Variants in CNTN4 observed in about 807,000 individuals in gnomAD.
CNTN4 encodes contactin-4.
CNTN4 carries 77 observed loss-of-function variants against 122.5 expected under a neutral mutation model. The ratio of observed to expected loss-of-function variants is 0.63; its 90% CI spans 0.52 to 0.76. CNTN4 has a LOEUF of 0.76. Ranked by LOEUF, CNTN4 falls within the 30% of genes least tolerant of loss-of-function variation. The pLI, the probability that CNTN4 is intolerant of heterozygous loss-of-function variation, is 0.00. For synonymous variants in CNTN4, 512 were observed against 447.0 expected, an observed-to-expected ratio of 1.15 and a Z score of -1.83; for missense variants, 1,256 against 1,259.1, an observed-to-expected ratio of 1.00 and a Z score of 0.04.
Position 2,407,916 on chromosome 3 carries a change from G to GT in CNTN4, c.-89+68684dup, listed in dbSNP as rs1288007823. ...GGCAGCCATACTCCTAATAATACAC[G>GT]TATGTACATATCTGTGTGTGTCTAT... is the stretch of plus-strand genomic sequence containing the variant. On this transcript the variant is annotated intron_variant, in intron 3 of 24. Coordinates refer to ENST00000418658, the MANE Select transcript of CNTN4 (RefSeq NM_175607.3). Among the ~76,000 whole-genome samples, 5 of 152,226 alleles carry GT rather than the reference G, an allele frequency of 3.3e-5. No homozygotes were observed. In the East Asian group the frequency reaches 5.8e-4, roughly 18 times the overall value.
intron 3 of CNTN4, among the ~76,000 whole-genome samples, chr3:2,364,837 A>C (rs1347039652): frequency 6.6e-6 from 1 of 152,210 alleles, no homozygotes; most frequent in African/African-American, 2.4e-5. Context: ...GGCCATTGCC[A>C]TGACAATATC....
intron 7 of CNTN4, among the ~76,000 whole-genome samples, chr3:2,849,986 C>CTTTTTTTTTTTTTTTTTTTTTTTTTTT (rs746657018): frequency 1.4e-5 from 2 of 140,698 alleles, no homozygotes; most frequent in African/African-American, 2.6e-5. Flanking sequence ...TTAGCAATCA[C>CTTTTTTTTTTTTTTTTTTTTTTTTTTT]TTTTTTTTCT....
At chr3:2,920,518 G>GA (rs1256871474) in intron 12 of CNTN4, among the ~76,000 whole-genome samples, 1 of 151,814 alleles carries the variant, frequency 6.6e-6, no homozygotes, top group African/African-American at 2.4e-5. Context: ...GGATGCACAG[G>GA]ACCTTTCTGT....
chr3:2,216,153 A>G (rs1345387124), intron 2 of CNTN4, among the ~76,000 whole-genome samples: 2 of 152,196 alleles, frequency 1.3e-5, no homozygotes, highest in Non-Finnish European at 2.9e-5. Flanking sequence ...CATCAATGAT[A>G]GATTGGATAA....
intron 3 of CNTN4, among the ~76,000 whole-genome samples, chr3:2,551,686 T>TA (rs961455908): frequency 5.9e-5 from 9 of 151,894 alleles, no homozygotes; most frequent in South Asian, 4.1e-4. Context: ...TGCAGAAAAG[T>TA]AAAAAAAATA....
At chr3:2,356,034 G>C (rs145576708) in intron 3 of CNTN4, among the ~76,000 whole-genome samples, 584 of 152,170 alleles carry the variant, frequency 3.8e-3, no homozygotes, top group Middle Eastern at 0.01. Context: ...AGTGTTTCCT[G>C]ACTGCTAATC....
intron 3 of CNTN4, among the ~76,000 whole-genome samples, chr3:2,345,021 T>C (rs564381305): frequency 4.3e-4 from 66 of 152,348 alleles, no homozygotes; most frequent in Middle Eastern, 6.8e-3. Flanking sequence ...TTTTATTCTT[T>C]CTGTGTTTCT....
At chr3:2,844,741 A>G (rs1228736708) in intron 7 of CNTN4, among the ~76,000 whole-genome samples, 1 of 152,232 alleles carries the variant, frequency 6.6e-6, no homozygotes, top group East Asian at 1.9e-4. Context: ...TATATGGTCT[A>G]ATCAGCAAGA....
intron 3 of CNTN4, among the ~76,000 whole-genome samples, chr3:2,439,506 AT>A (rs1182715397): frequency 1.3e-5 from 2 of 152,104 alleles, no homozygotes; most frequent in African/African-American, 4.8e-5. Flanking sequence ...AATTTTAACC[AT>A]CATTGAAAGA....
chr3:2,155,795 T>A (rs2035693383), intron 2 of CNTN4, among the ~76,000 whole-genome samples: 2 of 152,112 alleles, frequency 1.3e-5, no homozygotes, highest in Admixed American at 6.5e-5. Flanking sequence ...CTGTGGTGCG[T>A]TTTACGTGAA....
At chr3:2,126,433 C>A (rs1002332028) in intron 2 of CNTN4, among the ~76,000 whole-genome samples, 1 of 152,064 alleles carries the variant, frequency 6.6e-6, no homozygotes, top group Non-Finnish European at 1.5e-5. Context: ...CTTGTACTTT[C>A]TGAGCAATAA....
At chr3:2,491,073 A>G (rs1388798275) in intron 3 of CNTN4, among the ~76,000 whole-genome samples, 1 of 152,176 alleles carries the variant, frequency 6.6e-6, no homozygotes, top group East Asian at 1.9e-4. Context: ...CAACAAATAT[A>G]CTTCTTCAGA....
intron 2 of CNTN4, among the ~76,000 whole-genome samples, chr3:2,318,751 T>G (rs1358938248): frequency 6.6e-6 from 1 of 152,170 alleles, no homozygotes; most frequent in African/African-American, 2.4e-5. Context: ...GGGATCCTCC[T>G]GCCTCCTCCT....
At chr3:2,373,456 A>G (rs1402248062) in intron 3 of CNTN4, among the ~76,000 whole-genome samples, 1 of 152,222 alleles carries the variant, frequency 6.6e-6, no homozygotes, top group Non-Finnish European at 1.5e-5. Context: ...TAATAATTAG[A>G]AAGTGTGGAT....
At chr3:2,575,919 C>T (rs188753911) in intron 4 of CNTN4, among the ~76,000 whole-genome samples, 10 of 149,158 alleles carry the variant, frequency 6.7e-5, no homozygotes, top group Admixed American at 6.1e-4. Context: ...CCTATCGGGT[C>T]CACACCATTC....
At chr3:2,524,827 T>A (rs1246802054) in intron 3 of CNTN4, among the ~76,000 whole-genome samples, 1 of 152,062 alleles carries the variant, frequency 6.6e-6, no homozygotes, top group African/African-American at 2.4e-5. Context: ...GCAACTTGAA[T>A]AAGAAGAATA....
At position 2,427,354 on chromosome 3, in the gene CNTN4, T is replaced by G. The variant is rs558224931; in HGVS notation, c.-89+88121T>G. Among the ~76,000 whole-genome samples the G allele has an allele frequency of 1.2e-4, 18 of 152,344 alleles. No individual in the cohort carries two copies. The South Asian group carries it at 3.7e-3, about 32-fold the overall frequency. ...ACCCAGTAGTCATTCAGGAGCAGGTTGCTCAGTTTCCATGTAGTTGAGCAG... is the reference window on the plus strand; with the variant it reads ...ACCCAGTAGTCATTCAGGAGCAGGTGGCTCAGTTTCCATGTAGTTGAGCAG... On this transcript the variant is annotated intron_variant, in intron 3 of 24. Transcript: ENST00000418658.
intron 5 of CNTN4, among the ~76,000 whole-genome samples, chr3:2,739,895 C>G (rs914311319): frequency 5.9e-5 from 9 of 152,192 alleles, no homozygotes; most frequent in African/African-American, 1.7e-4. Context: ...TCTCAACTTC[C>G]TGTCCTTGAT....
intron 3 of CNTN4, among the ~76,000 whole-genome samples, chr3:2,471,704 T>C (rs1443480807): frequency 6.6e-6 from 1 of 152,190 alleles, no homozygotes; most frequent in Non-Finnish European, 1.5e-5. Flanking sequence ...GATCATGGCA[T>C]GTGCCAACGG....
Sources: allele counts gnomAD v4.1 joint callset (sites outside exome capture counted in the v4.1 genomes callset), GRCh38; gene constraint gnomAD v4.1.1; transcripts MANE v1.5; gene names NCBI Gene and HGNC (gene_info 2026-07-23, HGNC 2026-07-21).